The following GALNT16 variants were observed in gnomAD, a reference collection of about 807,000 sequenced individuals.
GALNT16 encodes UDP-GalNAc:polypeptide N-acetylgalactosaminyltransferase-like protein 1.
Under a neutral mutation model 76.1 loss-of-function variants are expected in GALNT16, and 40 were observed. That is an observed-to-expected ratio of 0.53 (90% CI 0.41 to 0.68). The LOEUF is 0.68. Among genes scored for constraint, GALNT16 ranks in the 30% least tolerant of loss-of-function variants. The pLI, the probability that GALNT16 is intolerant of heterozygous loss-of-function variation, is 0.00. For synonymous variants in GALNT16, 276 were observed against 285.2 expected (o/e 0.97, Z 0.32); for missense variants, 621 against 731.9 (o/e 0.85, Z 1.75).
chr14:69,320,844 C>G lies in GALNT16; in HGVS notation c.311C>G (p.Pro104Arg). The change falls in exon 2 of 15, where the codon CCC becomes CGC. Residue 104 changes from proline to arginine, a missense_variant. Coordinates refer to ENST00000448469, the MANE Select transcript of GALNT16 (RefSeq NM_001168368.2). ...AGTGACAAGCTGAGCCCAGACCGGCCCATCCGGGACACCCGCCATTACAGG... is the reference window on the plus strand; with the variant it reads ...AGTGACAAGCTGAGCCCAGACCGGCGCATCCGGGACACCCGCCATTACAGG... The part of the protein sequence containing the change: ...LESDKLSPDR[P>R]IRDTRHYSCP... 1 of 1,613,058 alleles carries G rather than the reference C, an allele frequency of 6.2e-7. No individual in the cohort carries two copies. Among genetic ancestry groups the G allele is most frequent in the Non-Finnish European group, 8.5e-7 (1 of 1,179,202 alleles).
intron 12 of GALNT16, among the ~76,000 whole-genome samples, chr14:69,344,351 A>G (rs914223867): frequency 2.0e-5 from 3 of 152,274 alleles, no homozygotes; most frequent in Admixed American, 6.5e-5. Flanking sequence ...CACATTCATG[A>G]CACTAATTCC....
At chr14:69,338,587 C>A (rs1360492837) in intron 9 of GALNT16, 64 bp from the exon 10 acceptor site, 3 of 1,590,186 alleles carry the variant, frequency 1.9e-6, no homozygotes, top group East Asian at 2.3e-5. Context: ...GGGAAGCCAG[C>A]CCCTTCCCAC....
intron 1 of GALNT16, among the ~76,000 whole-genome samples, chr14:69,270,539 T>A (rs984492467): frequency 1.3e-5 from 2 of 152,226 alleles, no homozygotes; most frequent in African/African-American, 4.8e-5. Flanking sequence ...GTAGCTTCTT[T>A]AAACAAACTG....
chr14:69,347,950 C>T lies in GALNT16; in HGVS notation c.1487C>T (p.Ser496Phe), dbSNP rs1465465806. 2 of 1,613,900 alleles carry T rather than the reference C, an allele frequency of 1.2e-6. No homozygotes were observed. Among genetic ancestry groups the T allele is most frequent in the Admixed American group, 3.3e-5 (2 of 60,008 alleles). The change falls in exon 14 of 15, where the codon TCC becomes TTC. Residue 496 changes from serine (S) to phenylalanine (F), a missense_variant. Transcript: ENST00000448469. ...GCTGCCACCTCCACCTTAATGTCCT[C>T]CCCTGGATCCCCAGTCATACTGCAG... ...CLAATSTLMS[S>F]PGSPVILQMC...
At chr14:69,335,754 C>A (rs191972993) in intron 9 of GALNT16, among the ~76,000 whole-genome samples, 1 of 152,174 alleles carries the variant, frequency 6.6e-6, no homozygotes, top group African/African-American at 2.4e-5. Context: ...AGACTCCTGT[C>A]GCTGGTGGGT....
intron 1 of GALNT16, among the ~76,000 whole-genome samples, chr14:69,269,502 T>TTGTGTG (rs139070521): frequency 1.4e-5 from 2 of 143,316 alleles, no homozygotes; most frequent in Non-Finnish European, 3.0e-5. Flanking sequence ...TGTGTGGCAT[T>TTGTGTG]TGTGTGTGTG....
rs2045643819 is a variant in GALNT16, at chr14:69,352,029, A to G, written c.1540-2A>G. The stretch of plus-strand genomic sequence containing the variant: ...CTTCTAACCCATCTCTGTTCCTCCT[A>G]GAAATGGAGGAGAAAAGGATCTTTC... On this transcript the variant is annotated splice_acceptor_variant, in intron 14 of 14. Coordinates refer to ENST00000448469, the MANE Select transcript of GALNT16 (RefSeq NM_001168368.2). LOFTEE classifies it high-confidence loss of function. 6.2e-7 allele frequency: 1 copy of G among 1,609,376 alleles called. No individual in the cohort carries two copies. The highest frequency in any genetic ancestry group is 8.5e-7 in the Non-Finnish European group (1 of 1,177,390).
chr14:69,260,287 C>A lies in GALNT16; in HGVS notation c.-4C>A, dbSNP rs2044244969. 1.9e-6 allele frequency: 3 copies of A among 1,612,260 alleles called. No homozygotes were observed. The highest frequency in any genetic ancestry group is 2.5e-6 in the Non-Finnish European group (3 of 1,179,214). Reference sequence around the variant, plus strand: ...CCCCCACCTGGGGCGCCCGTCTGCCCACCATGAGGAAGATCCGCGCCAATG... The same window carrying A: ...CCCCCACCTGGGGCGCCCGTCTGCCAACCATGAGGAAGATCCGCGCCAATG... On this transcript the variant is annotated 5_prime_UTR_variant, in exon 1 of 15. Coordinates refer to ENST00000448469, the MANE Select transcript of GALNT16 (RefSeq NM_001168368.2).
chr14:69,304,694 A>T (rs1221194170), intron 1 of GALNT16, among the ~76,000 whole-genome samples: 1 of 152,182 alleles, frequency 6.6e-6, no homozygotes, highest in African/African-American at 2.4e-5. Flanking sequence ...CATATTTTAG[A>T]TACTTTAAAT....
chr14:69,281,455 A>C (rs2044540299), intron 1 of GALNT16, among the ~76,000 whole-genome samples: 1 of 152,188 alleles, frequency 6.6e-6, no homozygotes, highest in African/African-American at 2.4e-5. Context: ...CAGAGTCCCC[A>C]AAGCACCCCT....
the GALNT16 span, among the ~76,000 whole-genome samples, chr14:69,374,187 C>A: frequency 2.0e-5 from 3 of 152,186 alleles, no homozygotes; most frequent in Non-Finnish European, 4.4e-5. Context: ...CCCCTCCTAT[C>A]TCCTAGCCCA....
chr14:69,295,371 C>T (rs957567221), intron 1 of GALNT16, among the ~76,000 whole-genome samples: 16 of 149,770 alleles, frequency 1.1e-4, no homozygotes, highest in East Asian at 2.0e-4. Flanking sequence ...GCTGAGATTG[C>T]GCCCCTGCAC....
chr14:69,287,709 A>G (rs1455924479), intron 1 of GALNT16, among the ~76,000 whole-genome samples: 1 of 152,242 alleles, frequency 6.6e-6, no homozygotes, highest in Non-Finnish European at 1.5e-5. Flanking sequence ...GCTGGCCAGC[A>G]CAGCCAACAC....
the GALNT16 span, among the ~76,000 whole-genome samples, chr14:69,367,512 C>A: frequency 6.6e-6 from 1 of 152,000 alleles, no homozygotes; most frequent in Non-Finnish European, 1.5e-5. Context: ...CTTGGACTTA[C>A]AGCCTGCGGA....
At chr14:69,312,055 ATCTGTCTATCTATCT>A (rs1566875470) in intron 1 of GALNT16, among the ~76,000 whole-genome samples, 1 of 90,116 alleles carries the variant, frequency 1.1e-5, no homozygotes, top group African/African-American at 3.4e-5. Flanking sequence ...AAAAAAAAAA[ATCTGTCTATCTATCT>A]ATCTATCTAT....
In GALNT16 at chr14:69,261,160, G is replaced by C. The variant is rs750680273; in HGVS notation, c.177+693G>C. Among the ~76,000 whole-genome samples, 3 of 152,246 alleles carry C rather than the reference G, an allele frequency of 2.0e-5. No homozygotes were observed. The South Asian group carries it at 6.2e-4, about 32-fold the overall frequency. ...GAACTTGGCGATACCCTTGCATGAAGTCAGCCTCGCGACATCTAAGCGGGC... is the reference window on the plus strand; with the variant it reads ...GAACTTGGCGATACCCTTGCATGAACTCAGCCTCGCGACATCTAAGCGGGC... On this transcript the variant is annotated intron_variant, in intron 1 of 14. Transcript: ENST00000448469. The surrounding 1 kb of genome is among the most constrained non-coding windows in gnomAD (Gnocchi z 6.4).
At chr14:69,260,618 G>A (rs1594803011) in intron 1 of GALNT16, 151 bp downstream of exon 1, 1 of 449,466 alleles carries the variant, frequency 2.2e-6, no homozygotes, top group Non-Finnish European at 3.4e-6. Context: ...CCTGCCCGTT[G>A]TTATGGCAAC....
the GALNT16 span, among the ~76,000 whole-genome samples, chr14:69,385,232 T>C: frequency 6.6e-6 from 1 of 152,164 alleles, no homozygotes; most frequent in East Asian, 1.9e-4. Flanking sequence ...AAAAATCCCA[T>C]GATCACAATG....
intron 1 of GALNT16, among the ~76,000 whole-genome samples, chr14:69,298,227 C>A (rs949945076): frequency 5.3e-5 from 8 of 152,208 alleles, no homozygotes; most frequent in African/African-American, 1.7e-4. Context: ...TTCCTGATGC[C>A]CCCCTCTTTC....
Sources: gnomAD v4.1 joint callset for allele counts (sites outside exome capture counted in the v4.1 genomes callset) on GRCh38, gnomAD v4.1.1 for gene constraint, Gnocchi (gnomAD v3.1) non-coding constraint, MANE v1.5 for transcripts, NCBI Gene and HGNC (gene_info 2026-07-23, HGNC 2026-07-21) for gene names.